Variants in GALNTL6 observed in about 807,000 individuals in gnomAD.
The protein encoded by GALNTL6 is polypeptide N-acetylgalactosaminyltransferase-like 6.
GALNTL6 carries 46 observed loss-of-function variants against 73.7 expected under a neutral mutation model. That is an observed-to-expected ratio of 0.62 (90% CI 0.49 to 0.80). GALNTL6 has a LOEUF of 0.80. GALNTL6 is among the 30% of genes least tolerant of loss of function. The probability of loss-of-function intolerance (pLI) is 0.00; values close to 1 mark genes in which losing one functional copy is unlikely to be tolerated. For missense variants in GALNTL6, 604 were observed against 755.0 expected (o/e 0.80, Z 2.34); for synonymous variants, 259 against 263.7 (o/e 0.98, Z 0.17).
intron 2 of GALNTL6, among the ~76,000 whole-genome samples, chr4:171,975,584 C>T (rs546820856): frequency 6.7e-6 from 1 of 148,820 alleles, no homozygotes; most frequent in Admixed American, 6.7e-5. Flanking sequence ...AAAAGACATA[C>T]TAGAGAAAAG....
At chr4:172,372,551 A>T (rs1742857076) in intron 5 of GALNTL6, among the ~76,000 whole-genome samples, 1 of 152,160 alleles carries the variant, frequency 6.6e-6, no homozygotes, top group African/African-American at 2.4e-5. Context: ...TTCCTTACTT[A>T]GGTATGCCAC....
intron 3 of GALNTL6, among the ~76,000 whole-genome samples, chr4:172,235,157 GT>G (rs68036820): frequency 0.99 from 149,259 of 151,278 alleles, 73,661 homozygotes; most frequent in South Asian, 1. Context: ...GATATTGTTA[GT>G]TTTTTTTTTC....
intron 4 of GALNTL6, among the ~76,000 whole-genome samples, chr4:172,335,585 T>A (rs893074218): frequency 1.9e-4 from 29 of 152,216 alleles, no homozygotes; most frequent in African/African-American, 6.5e-4. Context: ...AGGGCTTTTT[T>A]GGTTGACAGG....
Position 172,378,902 on chromosome 4 carries a change from T to C in GALNTL6, c.553+30213T>C, listed in dbSNP as rs75349948. ...TAAGTGTTTTATGTTCAAGATTTTA[T>C]GTAAATCCTTTCAATATTCAACACC... On this transcript the variant is annotated intron_variant, in intron 5 of 12. Transcript: ENST00000506823. 8.3e-3 allele frequency among the ~76,000 whole-genome samples: 1,257 copies of C among 152,302 alleles called. 15 individuals are homozygous for C. The highest frequency in any genetic ancestry group is 0.028 in the African/African-American group (1,184 of 41,570).
intron 7 of GALNTL6, among the ~76,000 whole-genome samples, chr4:172,875,378 AT>A: frequency 6.6e-6 from 1 of 152,364 alleles, no homozygotes; most frequent in East Asian, 1.9e-4. Flanking sequence ...TAGGGGCATA[AT>A]TTTGGAATAT....
chr4:172,996,179 C>A (rs1219697771), intron 10 of GALNTL6, among the ~76,000 whole-genome samples: 3 of 152,024 alleles, frequency 2.0e-5, no homozygotes, highest in Admixed American at 2.0e-4. Flanking sequence ...CACACACACA[C>A]ACACACACAC....
Position 172,348,590 on chromosome 4 carries a change from G to A in GALNTL6, c.454G>A (p.Gly152Ser), listed in dbSNP as rs1325820664. The change falls in exon 5 of 13, where the codon GGT becomes AGT. Residue 152 changes from glycine (G) to serine (S), a missense_variant. This residue lies in a region of GALNTL6 where 9 missense variants were observed against 30.3 expected (regional missense o/e 0.30). Transcript: ENST00000506823. ...TSIIIPFHNE[G>S]WTSLLRTIHS... ...CATCATTATCCCATTTCATAATGAAGGTTGGACTTCACTCCTGCGGACCAT... is the reference window on the plus strand; with the variant it reads ...CATCATTATCCCATTTCATAATGAAAGTTGGACTTCACTCCTGCGGACCAT... 6.2e-7 allele frequency: 1 copy of A among 1,613,024 alleles called. No homozygotes were observed. The highest frequency in any genetic ancestry group is 2.2e-5 in the East Asian group (1 of 44,852).
At position 172,117,639 on chromosome 4, in the gene GALNTL6, T is replaced by C. The variant is rs891098187; in HGVS notation, c.139-112017T>C. On this transcript the variant is annotated intron_variant, in intron 2 of 12. Coordinates refer to ENST00000506823, the MANE Select transcript of GALNTL6 (RefSeq NM_001034845.3). Reference sequence around the variant, plus strand: ...CAAATTTTTGGTTTCAAAAATTTTATTCTGAAATAACTCAAATGTCCATCA... The same window carrying C: ...CAAATTTTTGGTTTCAAAAATTTTACTCTGAAATAACTCAAATGTCCATCA... 3.9e-5 allele frequency among the ~76,000 whole-genome samples: 6 copies of C among 152,154 alleles called. No individual in the cohort carries two copies. In the South Asian group the frequency reaches 1.2e-3, roughly 32 times the overall value.
chr4:171,892,522 C>A (rs1560829071), intron 2 of GALNTL6, among the ~76,000 whole-genome samples: 2 of 152,268 alleles, frequency 1.3e-5, no homozygotes, highest in East Asian at 3.9e-4. Flanking sequence ...TCATCCTCCT[C>A]TTCATAATGA....
At chr4:172,305,708 T>C (rs1172938673) in intron 3 of GALNTL6, among the ~76,000 whole-genome samples, 2 of 152,186 alleles carry the variant, frequency 1.3e-5, no homozygotes, top group Admixed American at 6.5e-5. Context: ...GATGAGTTGA[T>C]AGAATTTGCA....
intron 5 of GALNTL6, 149 bp downstream of exon 5, chr4:172,348,838 T>G: frequency 2.1e-6 from 1 of 482,730 alleles, no homozygotes; most frequent in South Asian, 5.5e-5. Context: ...TCGTAAAATA[T>G]TCACCAAATG....
chr4:172,253,397 A>G (rs1250753939), intron 3 of GALNTL6, among the ~76,000 whole-genome samples: 1 of 151,982 alleles, frequency 6.6e-6, no homozygotes, highest in East Asian at 1.9e-4. Context: ...GGATTGTCGT[A>G]AGAATGTCAT....
intron 5 of GALNTL6, among the ~76,000 whole-genome samples, chr4:172,792,093 C>CA (rs555487067): frequency 6.6e-6 from 1 of 152,254 alleles, no homozygotes; most frequent in Admixed American, 6.5e-5. Flanking sequence ...ATATCAGAAC[C>CA]ATTTGAGACA....
At chr4:173,026,710 TC>T (rs1579799784) in intron 12 of GALNTL6, among the ~76,000 whole-genome samples, 1 of 152,370 alleles carries the variant, frequency 6.6e-6, no homozygotes, top group East Asian at 1.9e-4. Context: ...ACATGGGCTG[TC>T]TGGCTTTTTC....
chr4:172,407,378 T>TA (rs941343537), intron 5 of GALNTL6, among the ~76,000 whole-genome samples: 6 of 152,038 alleles, frequency 3.9e-5, no homozygotes, highest in Non-Finnish European at 7.4e-5. Context: ...AACTAAGTGA[T>TA]AAAAAATTCA....
At chr4:172,743,879 T>C (rs898915519) in intron 5 of GALNTL6, among the ~76,000 whole-genome samples, 2 of 145,304 alleles carry the variant, frequency 1.4e-5, no homozygotes, top group African/African-American at 5.3e-5. Flanking sequence ...TCCATCTATC[T>C]TCTGCACAGG....
chr4:172,886,122 T>C (rs1382530128), intron 8 of GALNTL6, among the ~76,000 whole-genome samples: 1 of 152,206 alleles, frequency 6.6e-6, no homozygotes, highest in East Asian at 1.9e-4. Flanking sequence ...GAATTGGTAT[T>C]AGTTCTTCCT....
Position 171,923,930 on chromosome 4 carries a change from T to G in GALNTL6, c.138+109212T>G, listed in dbSNP as rs144399785. 5.7e-3 allele frequency among the ~76,000 whole-genome samples: 867 copies of G among 152,068 alleles called. 6 individuals are homozygous for G. Among genetic ancestry groups the G allele is most frequent in the Middle Eastern group, 0.01 (3 of 294 alleles). On this transcript the variant is annotated intron_variant, in intron 2 of 12. Coordinates refer to ENST00000506823, the MANE Select transcript of GALNTL6 (RefSeq NM_001034845.3). ...CTTTAATGAATGCTTATCTAGTTTA[T>G]CCAATCACAGAAACAGGATATTACT...
At chr4:172,817,280 A>T (rs766950195) in intron 7 of GALNTL6, among the ~76,000 whole-genome samples, 1 of 151,818 alleles carries the variant, frequency 6.6e-6, no homozygotes, top group Non-Finnish European at 1.5e-5. Context: ...ATATATACAT[A>T]TATAGTGGGG....
Sources: allele counts gnomAD v4.1 joint callset (sites outside exome capture counted in the v4.1 genomes callset), GRCh38; gene constraint gnomAD v4.1.1; regional missense constraint gnomAD v4.1.1; transcripts MANE v1.5; gene names NCBI Gene and HGNC (gene_info 2026-07-23, HGNC 2026-07-21).